The following ZBTB20 variants were observed in gnomAD, a reference collection of about 807,000 sequenced individuals.
The protein encoded by ZBTB20 is zinc finger and BTB domain containing 20.
In ZBTB20, 9 loss-of-function variants were observed where a neutral mutation model predicts 56.9. That is an observed-to-expected ratio of 0.16 (90% confidence interval 0.10 to 0.28). The LOEUF (loss-of-function observed/expected upper bound fraction) is 0.28. ZBTB20 is among the 10% of genes least tolerant of loss of function. The probability of loss-of-function intolerance (pLI) is 1.00; values close to 1 mark genes in which losing one functional copy is unlikely to be tolerated. For missense variants in ZBTB20, 655 were observed against 1,003.0 expected (o/e 0.65, Z 4.69); for synonymous variants, 417 against 420.7 (o/e 0.99, Z 0.11).
At chr3:114,567,934 G>T (rs1313772781) in intron 6 of ZBTB20, among the ~76,000 whole-genome samples, 2 of 152,184 alleles carry the variant, frequency 1.3e-5, no homozygotes, top group South Asian at 2.1e-4. Flanking sequence ...TTGGCTCTGG[G>T]CCAGAATGCC....
intron 6 of ZBTB20, among the ~76,000 whole-genome samples, chr3:114,624,493 T>G (rs2058535506): frequency 6.6e-6 from 1 of 151,480 alleles, no homozygotes; most frequent in Non-Finnish European, 1.5e-5. Flanking sequence ...AAAAAGAGAA[T>G]CAAAAAGGAA....
intron 6 of ZBTB20, among the ~76,000 whole-genome samples, chr3:114,672,172 T>A (rs1350052989): frequency 6.6e-6 from 1 of 152,108 alleles, no homozygotes; most frequent in Non-Finnish European, 1.5e-5. Context: ...AAAATAATAG[T>A]CAAATTGCTC....
At chr3:114,807,652 T>C (rs1158661287) in intron 4 of ZBTB20, among the ~76,000 whole-genome samples, 1 of 152,126 alleles carries the variant, frequency 6.6e-6, no homozygotes, top group Non-Finnish European at 1.5e-5. Context: ...ATGCCCTTTG[T>C]CAGGTTACAG....
intron 5 of ZBTB20, among the ~76,000 whole-genome samples, chr3:114,729,641 T>C (rs2065575508): frequency 6.6e-6 from 1 of 152,160 alleles, no homozygotes; most frequent in African/African-American, 2.4e-5. Flanking sequence ...GGAGGTCTAG[T>C]ACGTAAGTAA....
intron 5 of ZBTB20, among the ~76,000 whole-genome samples, chr3:114,727,714 G>GA (rs2065414434): frequency 6.6e-6 from 1 of 152,078 alleles, no homozygotes; most frequent in Non-Finnish European, 1.5e-5. Flanking sequence ...AAATCTTTGT[G>GA]AAAAAAGGTC....
intron 6 of ZBTB20, among the ~76,000 whole-genome samples, chr3:114,622,424 T>G (rs1036068610): frequency 6.6e-6 from 1 of 152,188 alleles, no homozygotes; most frequent in Non-Finnish European, 1.5e-5. Context: ...TAATATAACA[T>G]TAAACTTTTA....
chr3:114,370,208 T>C (rs140466003), intron 10 of ZBTB20, among the ~76,000 whole-genome samples: 2,406 of 152,342 alleles, frequency 0.016, 44 homozygotes, highest in Middle Eastern at 0.031. Context: ...TCTCAGTCTA[T>C]AATGGGCTAG....
intron 7 of ZBTB20, among the ~76,000 whole-genome samples, chr3:114,463,929 A>G (rs2092432943): frequency 6.6e-6 from 1 of 152,234 alleles, no homozygotes; most frequent in African/African-American, 2.4e-5. Context: ...TACATGGTAT[A>G]ATTTCAACAT....
intron 2 of ZBTB20, among the ~76,000 whole-genome samples, chr3:115,021,525 A>G (rs569174048): frequency 2.5e-4 from 37 of 150,988 alleles, no homozygotes; most frequent in Non-Finnish European, 4.6e-4. Flanking sequence ...GTTCTTTTCA[A>G]TGATGTCCTA....
At chr3:114,780,697 A>C (rs2070023483) in intron 5 of ZBTB20, among the ~76,000 whole-genome samples, 1 of 152,198 alleles carries the variant, frequency 6.6e-6, no homozygotes, top group Admixed American at 6.5e-5. Flanking sequence ...CATGTTGGCC[A>C]GGATGGTCTC....
At chr3:114,438,647 G>GA (rs995733383) in intron 7 of ZBTB20, among the ~76,000 whole-genome samples, 7 of 152,078 alleles carry the variant, frequency 4.6e-5, no homozygotes, top group Non-Finnish European at 8.8e-5. Context: ...TTCAGTAAGA[G>GA]AAAAAATGAC....
intron 1 of ZBTB20, among the ~76,000 whole-genome samples, chr3:115,125,353 A>G (rs1031356715): frequency 2.6e-5 from 4 of 152,078 alleles, no homozygotes; most frequent in African/African-American, 9.7e-5. Context: ...AAATAAAAAA[A>G]AAAAAAAGAA....
intron 3 of ZBTB20, among the ~76,000 whole-genome samples, chr3:114,938,550 T>C (rs746510876): frequency 6.8e-6 from 1 of 146,092 alleles, no homozygotes; most frequent in Non-Finnish European, 1.5e-5. Context: ...GAAACCATCA[T>C]TCTCAGTGAA....
At chr3:114,904,868 C>T (rs540713728) in intron 3 of ZBTB20, among the ~76,000 whole-genome samples, 1 of 151,926 alleles carries the variant, frequency 6.6e-6, no homozygotes, top group South Asian at 2.1e-4. Flanking sequence ...TGGTAAACAC[C>T]GTTAACCCAA....
chr3:115,081,709 A>C (rs1240466975), intron 1 of ZBTB20, among the ~76,000 whole-genome samples: 2 of 152,106 alleles, frequency 1.3e-5, no homozygotes, highest in African/African-American at 4.8e-5. Flanking sequence ...ATTGCCTTCA[A>C]ATCTATTATC....
chr3:114,501,470 A>T (rs1167537562), intron 6 of ZBTB20, among the ~76,000 whole-genome samples: 1 of 151,710 alleles, frequency 6.6e-6, no homozygotes, highest in Non-Finnish European at 1.5e-5. Flanking sequence ...TACTAAAACT[A>T]CAAAAATTAG....
rs904952316 is a variant in ZBTB20, at chr3:114,323,943, G to T, written c.*15062C>A. On this transcript the variant is annotated 3_prime_UTR_variant, in exon 12 of 12. Transcript: ENST00000675478. ...CATTTCAGTAGTGCAATGCAGTGCA[G>T]TCATATTTAGTGCAAAAAAAAGCCC... 12 of 152,154 alleles carry T rather than the reference G, an allele frequency of 7.9e-5. No individual in the cohort carries two copies. Among genetic ancestry groups the T allele is most frequent in the African/African-American group, 2.9e-4 (12 of 41,424 alleles). The allele number at this position is 152,154 out of a possible 1,614,324, so 9.4% of individuals were successfully genotyped here.
At chr3:114,600,753 G>A (rs1005872736) in intron 6 of ZBTB20, among the ~76,000 whole-genome samples, 4 of 151,866 alleles carry the variant, frequency 2.6e-5, no homozygotes, top group East Asian at 1.9e-4. Context: ...TAAATAGTAC[G>A]AACTTCACCT....
At chr3:114,794,856 C>G (rs1292635209) in intron 5 of ZBTB20, among the ~76,000 whole-genome samples, 1 of 151,994 alleles carries the variant, frequency 6.6e-6, no homozygotes, top group African/African-American at 2.4e-5. Context: ...GATTTATTTT[C>G]AAGGTTTTCT....
Sources: allele counts gnomAD v4.1 joint callset (sites outside exome capture counted in the v4.1 genomes callset), GRCh38; gene constraint gnomAD v4.1.1; transcripts MANE v1.5; gene names NCBI Gene and HGNC (gene_info 2026-07-23, HGNC 2026-07-21).